The following WWC2 variants were observed in gnomAD, a reference collection of about 807,000 sequenced individuals.
WWC2 encodes protein WWC2.
A neutral mutation model predicts 138.5 loss-of-function variants in WWC2; 101 were observed. The ratio of observed to expected loss-of-function variants is 0.73; its 90% CI spans 0.62 to 0.86. The LOEUF (loss-of-function observed/expected upper bound fraction) is 0.86. Ranked by LOEUF, WWC2 falls within the 40% of genes least tolerant of loss-of-function variation. The probability of loss-of-function intolerance (pLI) is 0.00; values close to 1 mark genes in which losing one functional copy is unlikely to be tolerated. For missense variants in WWC2, 1,420 were observed against 1,419.4 expected, an observed-to-expected ratio of 1.00 and a Z score of -0.01; for synonymous variants, 558 against 538.4, an observed-to-expected ratio of 1.04 and a Z score of -0.50.
intron 21 of WWC2, among the ~76,000 whole-genome samples, chr4:183,292,347 A>G (rs996420209): frequency 1.0e-4 from 9 of 90,034 alleles, no homozygotes; most frequent in African/African-American, 3.0e-4. Flanking sequence ...ATCTCCATGG[A>G]AAAAAAAAAA....
intron 16 of WWC2, among the ~76,000 whole-genome samples, chr4:183,277,987 T>A (rs1373168257): frequency 6.6e-6 from 1 of 151,850 alleles, no homozygotes; most frequent in Non-Finnish European, 1.5e-5. Context: ...TTTAATTAGA[T>A]CCCATTTGTC....
chr4:183,159,449 G>C (rs1439077507), intron 1 of WWC2, among the ~76,000 whole-genome samples: 1 of 152,108 alleles, frequency 6.6e-6, no homozygotes, highest in Non-Finnish European at 1.5e-5. Context: ...CTGTCATCCA[G>C]GCCGGAGTAC....
At chr4:183,226,203 C>T (rs1482422897) in intron 4 of WWC2, among the ~76,000 whole-genome samples, 1 of 150,198 alleles carries the variant, frequency 6.7e-6, no homozygotes. Context: ...CTCAGATGAT[C>T]CTCCTGCCTC....
chr4:183,231,689 G>A (rs1163618741), intron 4 of WWC2, among the ~76,000 whole-genome samples: 1 of 152,088 alleles, frequency 6.6e-6, no homozygotes, highest in Non-Finnish European at 1.5e-5. Flanking sequence ...CAGGATTTTT[G>A]TTACTGTTTT....
intron 21 of WWC2, among the ~76,000 whole-genome samples, chr4:183,302,533 CTG>C (rs1298307357): frequency 6.6e-6 from 1 of 151,940 alleles, no homozygotes; most frequent in Non-Finnish European, 1.5e-5. Context: ...CTCTCTCTCT[CTG>C]TCAGGTACAG....
Position 183,320,034 on chromosome 4 carries a change from A to G in WWC2, c.*4305A>G. On this transcript the variant is annotated 3_prime_UTR_variant, in exon 23 of 23. Transcript: ENST00000403733. ...GAAGGAGTCAAAGTCCTTGCATTGC[A>G]TCCCCACTTCCTCTTGGATGACACA... The G allele has an allele frequency of 6.2e-7, 1 of 1,614,036 alleles. No individual in the cohort carries two copies.
At chr4:183,186,100 A>G (rs1307935299) in intron 1 of WWC2, among the ~76,000 whole-genome samples, 2 of 151,524 alleles carry the variant, frequency 1.3e-5, no homozygotes, top group East Asian at 3.9e-4. Context: ...AGCGCCCCCC[A>G]CCACTCCCAG....
chr4:183,312,508 A>C, intron 22 of WWC2, 40 bp downstream of exon 22: 1 of 1,610,356 alleles, frequency 6.2e-7, no homozygotes, highest in African/African-American at 1.3e-5. Flanking sequence ...GGTTGCCCTC[A>C]CGGGGTCTGA....
intron 1 of WWC2, among the ~76,000 whole-genome samples, chr4:183,164,073 A>T (rs527390319): frequency 1.3e-5 from 2 of 151,864 alleles, no homozygotes; most frequent in East Asian, 3.9e-4. Context: ...ACTGAAATTA[A>T]AATTGTCTCT....
intron 21 of WWC2, among the ~76,000 whole-genome samples, chr4:183,293,554 A>T (rs1738531061): frequency 6.6e-6 from 1 of 152,222 alleles, no homozygotes; most frequent in African/African-American, 2.4e-5. Flanking sequence ...CTTTAAAATC[A>T]AACACAAGAC....
At chr4:183,250,436 C>T (rs1415497654) in intron 8 of WWC2, among the ~76,000 whole-genome samples, 2 of 152,070 alleles carry the variant, frequency 1.3e-5, no homozygotes, top group Non-Finnish European at 2.9e-5. Flanking sequence ...CTGCTAATGT[C>T]CTTGAAGGTG....
intron 21 of WWC2, among the ~76,000 whole-genome samples, chr4:183,293,802 TTTAA>T (rs1411157117): frequency 1.2e-4 from 18 of 152,128 alleles, no homozygotes; most frequent in Non-Finnish European, 1.5e-4. Context: ...CACCTAGACG[TTTAA>T]TTAAGATAAT....
At chr4:183,157,972 TC>T (rs1733854712) in intron 1 of WWC2, among the ~76,000 whole-genome samples, 1 of 152,146 alleles carries the variant, frequency 6.6e-6, no homozygotes, top group Non-Finnish European at 1.5e-5. Context: ...ATTTTTAAGT[TC>T]CTTTTCTGTA....
chr4:183,283,236 C>T (rs961475435), intron 18 of WWC2, among the ~76,000 whole-genome samples: 1 of 152,102 alleles, frequency 6.6e-6, no homozygotes, highest in African/African-American at 2.4e-5. Flanking sequence ...TGTCAAGTTC[C>T]GTATATGTAG....
intron 4 of WWC2, among the ~76,000 whole-genome samples, chr4:183,224,531 G>A (rs1284283469): frequency 6.8e-6 from 1 of 146,306 alleles, no homozygotes; most frequent in African/African-American, 2.6e-5. Flanking sequence ...ATAACCAACA[G>A]AGTTGAGGTT....
intron 1 of WWC2, among the ~76,000 whole-genome samples, chr4:183,144,494 A>G (rs1304197185): frequency 6.6e-6 from 1 of 152,206 alleles, no homozygotes; most frequent in East Asian, 1.9e-4. Flanking sequence ...TAGTGCTAAG[A>G]GATTAGTACT....
intron 21 of WWC2, among the ~76,000 whole-genome samples, chr4:183,303,230 A>T (rs1047293628): frequency 5.9e-5 from 9 of 152,306 alleles, no homozygotes; most frequent in Admixed American, 4.6e-4. Flanking sequence ...TTCCTTTTGT[A>T]AGACAGCGTT....
rs149434359 is a variant in WWC2 at position 183,284,329 on chromosome 4, G to A, written c.2987G>A (p.Ser996Asn). Residue 996 changes from serine (S) to asparagine (N), a missense_variant, in exon 19 of 23, where the codon AGC (serine) becomes AAC (asparagine). Coordinates refer to ENST00000403733, the MANE Select transcript of WWC2 (RefSeq NM_024949.6). ...LSSRQHPFVRSSVIVRSQTFS... is the reference protein window; with the variant it reads ...LSSRQHPFVRNSVIVRSQTFS... ...TCTAGACAGCATCCGTTTGTGAGGA[G>A]CAGTGTGATAGTGCGCTCACAGACC... The A allele has an allele frequency of 8.0e-4, 1,289 of 1,613,972 alleles. 19 individuals carry two copies. In the East Asian group the frequency reaches 0.021, roughly 26 times the overall value.
intron 4 of WWC2, 22 bp downstream of exon 4, chr4:183,209,047 T>G: frequency 6.6e-7 from 1 of 1,515,476 alleles, no homozygotes; most frequent in Non-Finnish European, 9.0e-7. Flanking sequence ...TAAATTGTGG[T>G]TCTATGTTGA....
Sources: gnomAD v4.1 joint callset for allele counts (sites outside exome capture counted in the v4.1 genomes callset) on GRCh38, gnomAD v4.1.1 for gene constraint, MANE v1.5 for transcripts, NCBI Gene and HGNC (gene_info 2026-07-23, HGNC 2026-07-21) for gene names.